MAN1B1: variants seen among roughly 807,000 people sequenced by gnomAD.
MAN1B1 encodes endoplasmic reticulum mannosyl-oligosaccharide 1,2-alpha-mannosidase.
A neutral mutation model predicts 75.5 loss-of-function variants in MAN1B1; 66 were observed. That is an observed-to-expected ratio of 0.87 (90% CI 0.72 to 1.07). MAN1B1 has a LOEUF of 1.07. MAN1B1 is among the 50% of genes least tolerant of loss of function. The pLI is 0.00. For missense variants in MAN1B1, 973 were observed against 912.5 expected (o/e 1.07, Z -0.85); for synonymous variants, 453 against 382.8 (o/e 1.18, Z -2.14).
chr9:137,091,207 C>T (rs1830503581), intron 3 of MAN1B1, among the ~76,000 whole-genome samples: 1 of 152,228 alleles, frequency 6.6e-6, no homozygotes, highest in Admixed American at 6.5e-5. Context: ...GTCTCCTTTG[C>T]ATATGGAGTA....
In MAN1B1 at chr9:137,089,796, T is replaced by C. The variant is rs115544940; in HGVS notation, c.465+791T>C. Among the ~76,000 whole-genome samples, 1,361 of 150,852 alleles carry C rather than the reference T, an allele frequency of 9.0e-3. 12 individuals carry two copies. The highest frequency in any genetic ancestry group is 0.024 in the African/African-American group (963 of 40,912). On this transcript the variant is annotated intron_variant, in intron 3 of 12. Transcript: ENST00000371589. Reference sequence around the variant, plus strand: ...GGAGTGGGCCTTGGGAGAAGGAGGGTGAGTCCCCGGGTGGAGGGGCCAGCA... The same window carrying C: ...GGAGTGGGCCTTGGGAGAAGGAGGGCGAGTCCCCGGGTGGAGGGGCCAGCA...
chr9:137,102,416 C>A, intron 8 of MAN1B1: 2 of 427,716 alleles, frequency 4.7e-6, no homozygotes, highest in Middle Eastern at 6.9e-4. Context: ...TGCAGGCGTG[C>A]AGGTTGGTGG....
In MAN1B1 at chr9:137,106,717, G is replaced by C. The variant is rs775259244; in HGVS notation, c.1474G>C (p.Glu492Gln). ...QLLEDYVEAI[E>Q]GVRTHLLRHS... is the part of the protein sequence containing the mutation. ...GCTGGAAGACTACGTGGAAGCCATC[G>C]AGGGTGTCAGAACGCACCTGCTGCG... The change falls in exon 10 of 13, where the codon GAG (glutamate) becomes CAG (glutamine). Residue 492 changes from glutamate (E) to glutamine (Q), a missense_variant. Transcript: ENST00000371589. 11 of 1,613,408 alleles carry C rather than the reference G, an allele frequency of 6.8e-6. No individual in the cohort carries two copies. Among genetic ancestry groups the C allele is most frequent in the Non-Finnish European group, 9.3e-6 (11 of 1,180,020 alleles).
At chr9:137,091,063 T>G (rs1830501306) in intron 3 of MAN1B1, among the ~76,000 whole-genome samples, 1 of 152,192 alleles carries the variant, frequency 6.6e-6, no homozygotes, top group African/African-American at 2.4e-5. Context: ...AGTCCTGCTC[T>G]TGATTGGCCA....
intron 8 of MAN1B1, chr9:137,102,023 G>T (rs1034355171): frequency 4.1e-6 from 2 of 484,918 alleles, no homozygotes; most frequent in African/African-American, 4.0e-5. Flanking sequence ...TCATGCTGTT[G>T]CAGGCGTGCA....
chr9:137,091,519 A>ATT (rs1830512857), intron 3 of MAN1B1, among the ~76,000 whole-genome samples: 13 of 100,456 alleles, frequency 1.3e-4, no homozygotes, highest in Non-Finnish European at 2.0e-4. Context: ...TTTTTGTTTT[A>ATT]TATTTTTTTT....
rs1323778258 is a variant in MAN1B1 at position 137,088,724 on chromosome 9, A to G, written c.329-145A>G. On this transcript the variant is annotated intron_variant, in intron 2 of 12. Coordinates refer to ENST00000371589, the MANE Select transcript of MAN1B1 (RefSeq NM_016219.5). ...TTGAAAAAGATTTCATTCCCTTGGG[A>G]CATTGTTGAATTCATTTCAGTGACT... 1.1e-5 allele frequency: 10 copies of G among 920,410 alleles called. No homozygotes were observed. In the East Asian group the frequency reaches 2.3e-4, roughly 21 times the overall value. 57.0% of individuals were successfully genotyped at this position (920,410 alleles called of 1,614,324 possible).
chr9:137,104,073 TC>T (rs1554757128), intron 8 of MAN1B1: 4 of 455,458 alleles, frequency 8.8e-6, no homozygotes, highest in Non-Finnish European at 1.3e-5. Flanking sequence ...AGCTATCACT[TC>T]CATCTCCAGA....
At chr9:137,087,394 G>A in intron 1 of MAN1B1, 176 bp downstream of exon 1, 1 of 839,606 alleles carries the variant, frequency 1.2e-6, no homozygotes, top group Non-Finnish European at 1.9e-6. Context: ...GCCGTGGGCG[G>A]CTCGCCTGCA....
chr9:137,093,751 G>A (rs1217043350), intron 3 of MAN1B1, among the ~76,000 whole-genome samples: 2 of 151,538 alleles, frequency 1.3e-5, no homozygotes, highest in African/African-American at 2.4e-5. Flanking sequence ...GGAGAATGGC[G>A]TGAACCTGGG....
In MAN1B1 at chr9:137,087,043, C is replaced by G. The variant is rs1432139879; in HGVS notation, c.44C>G (p.Ser15Cys). The G allele has an allele frequency of 1.9e-6, 3 of 1,604,240 alleles. No homozygotes were observed. The highest frequency in any genetic ancestry group is 2.5e-6 in the Non-Finnish European group (3 of 1,177,126). ...EGRRSGALGS[S>C]QSDFLTPPVG... ...AGGAGAAGCGGAGCTCTCGGTTCCT[C>G]TCAGTCGGACTTCCTGACGCCGCCA... Residue 15 changes from serine (S) to cysteine (C), a missense_variant, in exon 1 of 13, where the codon TCT becomes TGT. Physicochemically the swap from Ser to Cys is moderately radical, Grantham distance 112. Coordinates refer to ENST00000371589, the MANE Select transcript of MAN1B1 (RefSeq NM_016219.5).
intron 3 of MAN1B1, chr9:137,094,443 G>C (rs1314578983): frequency 2.1e-6 from 1 of 473,708 alleles, no homozygotes; most frequent in South Asian, 1.5e-5. Flanking sequence ...TGGTGGAGAA[G>C]AGACTAGAGA....
chr9:137,087,098 C>G lies in MAN1B1; in HGVS notation c.99C>G (p.Thr33=). Residue 33 remains threonine, a synonymous_variant, in exon 1 of 13, where the codon ACC becomes ACG. Coordinates refer to ENST00000371589, the MANE Select transcript of MAN1B1 (RefSeq NM_016219.5). ...PVGGAPWAVA[T]TVVMYPPPPP... ...GCGGGGCCCCTTGGGCCGTCGCCACCACTGTAGTCATGTACCCACCGCCGC... is the reference window on the plus strand; with the variant it reads ...GCGGGGCCCCTTGGGCCGTCGCCACGACTGTAGTCATGTACCCACCGCCGC... 1 of 1,598,502 alleles carries G rather than the reference C, an allele frequency of 6.3e-7. No individual in the cohort carries two copies. Among genetic ancestry groups the G allele is most frequent in the South Asian group, 1.1e-5 (1 of 88,504 alleles).
intron 8 of MAN1B1, chr9:137,103,109 A>C: frequency 2.2e-6 from 1 of 445,486 alleles, no homozygotes. Context: ...GTGGTGTTAC[A>C]CACATGCTGT....
intron 8 of MAN1B1, chr9:137,104,223 A>G (rs1306735612): frequency 2.7e-6 from 1 of 368,010 alleles, no homozygotes; most frequent in Non-Finnish European, 5.3e-6. Flanking sequence ...GCAGTCACAC[A>G]CGATTTGTCC....
intron 10 of MAN1B1, 28 bp downstream of exon 10, chr9:137,106,837 C>G: frequency 6.2e-7 from 1 of 1,610,564 alleles, no homozygotes; most frequent in African/African-American, 1.3e-5. Context: ...GCCTTCCGGC[C>G]GCCGCCCCTT....
chr9:137,097,737 G>GT, intron 4 of MAN1B1, 91 bp from the exon 5 acceptor site: 4 of 996,414 alleles, frequency 4.0e-6, no homozygotes, highest in Non-Finnish European at 6.2e-6. Flanking sequence ...GTGCAGGGCT[G>GT]TGCCTTGGCC....
chr9:137,103,203 C>T (rs1351075714), intron 8 of MAN1B1: 55 of 430,296 alleles, frequency 1.3e-4, no homozygotes, highest in Middle Eastern at 1.0e-3. Context: ...CTGTTGCAGG[C>T]GTGCAGGTCG....
At chr9:137,101,425 G>A (rs1028994193) in intron 7 of MAN1B1, 59 bp from the exon 8 acceptor site, 10 of 1,509,632 alleles carry the variant, frequency 6.6e-6, no homozygotes, top group Non-Finnish European at 9.2e-6. Context: ...GCATGAAAGG[G>A]TGTAGACGAG....
Sources: gnomAD v4.1 joint callset for allele counts (sites outside exome capture counted in the v4.1 genomes callset) on GRCh38, gnomAD v4.1.1 for gene constraint, MANE v1.5 for transcripts, NCBI Gene and HGNC (gene_info 2026-07-23, HGNC 2026-07-21) for gene names.